The following PPFIBP1 variants were observed in gnomAD, a reference collection of about 807,000 sequenced individuals.
PPFIBP1 encodes the protein PPFIB scaffold protein 1, also known as liprin-beta-1.
A neutral mutation model predicts 137.8 loss-of-function variants in PPFIBP1; 112 were observed. The observed-to-expected ratio is 0.81, with a 90% CI of 0.70 to 0.95. The LOEUF is 0.95. PPFIBP1 is among the 40% of genes least tolerant of loss of function. The pLI, the probability that PPFIBP1 is intolerant of heterozygous loss-of-function variation, is 0.00. For synonymous variants in PPFIBP1, 378 were observed against 417.3 expected, an observed-to-expected ratio of 0.91 and a Z score of 1.15; for missense variants, 1,083 against 1,196.6, an observed-to-expected ratio of 0.91 and a Z score of 1.40.
At chr12:27,600,501 T>G (rs929506908) in intron 2 of PPFIBP1, among the ~76,000 whole-genome samples, 1 of 152,098 alleles carries the variant, frequency 6.6e-6, no homozygotes. Flanking sequence ...CAAACGCCTG[T>G]GTACTTAAAT....
chr12:27,565,636 C>T (rs527323033), intron 1 of PPFIBP1, among the ~76,000 whole-genome samples: 1 of 152,136 alleles, frequency 6.6e-6, no homozygotes, highest in African/African-American at 2.4e-5. Context: ...CTAATGACTC[C>T]TCCTTCTGTG....
intron 2 of PPFIBP1, among the ~76,000 whole-genome samples, chr12:27,602,255 A>G (rs1015510076): frequency 1.3e-5 from 2 of 152,160 alleles, no homozygotes; most frequent in African/African-American, 4.8e-5. Flanking sequence ...AGCTGAGGAC[A>G]CCATTTCCCC....
At chr12:27,650,256 G>A in intron 7 of PPFIBP1, 115 bp downstream of exon 7, 1 of 811,296 alleles carries the variant, frequency 1.2e-6, no homozygotes, top group Non-Finnish European at 1.8e-6. Context: ...TGCAAGGAAG[G>A]CAGTTAATTA....
chr12:27,669,041 A>ATCTTGAATTGAAGCCCATTCAATTC (rs2060027251), intron 13 of PPFIBP1, among the ~76,000 whole-genome samples: 1 of 152,212 alleles, frequency 6.6e-6, no homozygotes, highest in Non-Finnish European at 1.5e-5. Context: ...TTGTTTAAAC[A>ATCTTGAATTGAAGCCCATTCAATTC]ATCTTGGCTT....
intron 12 of PPFIBP1, among the ~76,000 whole-genome samples, chr12:27,665,575 T>C (rs2059808750): frequency 6.6e-6 from 1 of 152,212 alleles, no homozygotes; most frequent in Non-Finnish European, 1.5e-5. Context: ...GTTGTGTTTA[T>C]TATTATTTTA....
intron 1 of PPFIBP1, among the ~76,000 whole-genome samples, chr12:27,554,386 C>T (rs1350251260): frequency 6.6e-6 from 1 of 152,232 alleles, no homozygotes; most frequent in East Asian, 1.9e-4. Flanking sequence ...GAAGTGCTCA[C>T]TACAGGGTTC....
intron 19 of PPFIBP1, chr12:27,677,744 A>T (rs961057020): frequency 1.3e-5 from 2 of 152,310 alleles, no homozygotes; most frequent in African/African-American, 4.8e-5. Context: ...CTCAAAATAA[A>T]AAAGAGAAAT....
At chr12:27,554,683 G>A (rs1274327224) in intron 1 of PPFIBP1, among the ~76,000 whole-genome samples, 1 of 152,126 alleles carries the variant, frequency 6.6e-6, no homozygotes, top group African/African-American at 2.4e-5. Context: ...TCATCTAACC[G>A]TGTTTAGCAA....
rs137939816 is a variant in PPFIBP1, at chr12:27,554,824, C to G, written c.-123-23328C>G. ...AGGAATGTTGCCAAATTGGAATGTT[C>G]CCAGTGTTGGGGTGTGGAGATCGTG... On this transcript the variant is annotated intron_variant, in intron 1 of 29. Transcript: ENST00000228425. Among the ~76,000 whole-genome samples, 263 of 152,052 alleles carry G rather than the reference C, an allele frequency of 1.7e-3. 2 individuals carry two copies. In the South Asian group the frequency reaches 0.032, roughly 19 times the overall value.
intron 4 of PPFIBP1, among the ~76,000 whole-genome samples, chr12:27,638,441 G>A (rs1406473060): frequency 6.6e-6 from 1 of 152,162 alleles, no homozygotes; most frequent in Admixed American, 6.6e-5. Context: ...TTTAATGTTG[G>A]CCCTAAGTCT....
At chr12:27,677,170 G>A in intron 19 of PPFIBP1, 74 bp downstream of exon 19, 1 of 1,561,904 alleles carries the variant, frequency 6.4e-7, no homozygotes, top group South Asian at 1.1e-5. Flanking sequence ...CTTGGCATCT[G>A]TGATCTCTAG....
chr12:27,592,823 G>A (rs543970047), intron 2 of PPFIBP1: 68 of 634,150 alleles, frequency 1.1e-4, no homozygotes, highest in Admixed American at 5.4e-4. Flanking sequence ...CTCATTTATG[G>A]AACTCACATC....
intron 4 of PPFIBP1, among the ~76,000 whole-genome samples, chr12:27,642,999 G>A (rs1389082805): frequency 1.3e-5 from 2 of 152,010 alleles, no homozygotes; most frequent in African/African-American, 2.4e-5. Context: ...GCTCACACAA[G>A]ATGGCCTTAA....
intron 2 of PPFIBP1, among the ~76,000 whole-genome samples, chr12:27,618,037 C>A (rs977378972): frequency 5.9e-5 from 9 of 152,172 alleles, no homozygotes; most frequent in African/African-American, 2.2e-4. Flanking sequence ...GTTGTCAGAA[C>A]TTTTATTGAA....
At chr12:27,557,606 C>G (rs2048809220) in intron 1 of PPFIBP1, among the ~76,000 whole-genome samples, 1 of 152,092 alleles carries the variant, frequency 6.6e-6, no homozygotes, top group Non-Finnish European at 1.5e-5. Flanking sequence ...CCCTAAAAGT[C>G]TATAGAATGA....
chr12:27,572,757 A>G (rs2050246979), intron 1 of PPFIBP1, among the ~76,000 whole-genome samples: 1 of 152,216 alleles, frequency 6.6e-6, no homozygotes, highest in South Asian at 2.1e-4. Context: ...GAACACAGAA[A>G]AAACTGCACA....
intron 2 of PPFIBP1, among the ~76,000 whole-genome samples, chr12:27,594,193 T>TG (rs2137416497): frequency 6.7e-6 from 1 of 149,062 alleles, no homozygotes; most frequent in South Asian, 2.2e-4. Context: ...TTTTTTTTTT[T>TG]TTGAGATGGA....
rs979664443 is a variant in PPFIBP1, at chr12:27,692,611, A to G, written c.2886A>G (p.Thr962=). 2 of 1,613,990 alleles carry G rather than the reference A, an allele frequency of 1.2e-6. No individual in the cohort carries two copies. Among genetic ancestry groups the G allele is most frequent in the Non-Finnish European group, 1.7e-6 (2 of 1,179,960 alleles). Residue 962 remains threonine (T), a synonymous_variant, in exon 29 of 30, where the codon ACA becomes ACG. Transcript: ENST00000228425. ...RLEQMEDSEG[T]VRQIGAFSEG... is the part of the protein sequence containing the mutation. ...TGCAGATGGAAGATTCAGAAGGGACAGTGAGACAGATAGGTGCATTCTCTG... is the reference window on the plus strand; with the variant it reads ...TGCAGATGGAAGATTCAGAAGGGACGGTGAGACAGATAGGTGCATTCTCTG...
At chr12:27,606,752 A>G (rs1467790669) in intron 2 of PPFIBP1, among the ~76,000 whole-genome samples, 1 of 152,216 alleles carries the variant, frequency 6.6e-6, no homozygotes, top group Non-Finnish European at 1.5e-5. Flanking sequence ...ACAAAATGTG[A>G]TATAGTTGTT....
Sources: allele counts gnomAD v4.1 joint callset (sites outside exome capture counted in the v4.1 genomes callset), GRCh38; gene constraint gnomAD v4.1.1; transcripts MANE v1.5; gene names NCBI Gene and HGNC (gene_info 2026-07-23, HGNC 2026-07-21).